The following CCDC163 variants were observed in gnomAD, a reference collection of about 807,000 sequenced individuals.
CCDC163 encodes the protein CCDC163 homolog, also known as transmembrane protein CCDC163.
CCDC163 carries 13 observed loss-of-function variants against 8.2 expected under a neutral mutation model. That is an observed-to-expected ratio of 1.59 (90% confidence interval 1.04 to 2.54). The LOEUF is 2.54. Ranked by LOEUF, CCDC163 falls within the 30% of genes most tolerant of loss-of-function variation. CCDC163 has a pLI of 0.00. For missense variants in CCDC163, 117 were observed against 78.6 expected, an observed-to-expected ratio of 1.49 and a Z score of -1.85; for synonymous variants, 41 against 30.9, an observed-to-expected ratio of 1.33 and a Z score of -1.08.
rs1173028495 is a variant in CCDC163, at chr1:45,494,713, TTGGGAGGGCGAGGCGGGC to T, written c.*328_*345del. On this transcript the variant is annotated 3_prime_UTR_variant, in exon 5 of 5. Transcript: ENST00000629482. ...GGCTCACAACTGTAATCCCAGCACT[TTGGGAGGGCGAGGCGGGC>T]AGATCACTTGAGGTCAGAAGTTCAA... 5.8e-5 allele frequency: 17 copies of T among 290,776 alleles called. No homozygotes were observed. Among genetic ancestry groups the T allele is most frequent in the Non-Finnish European group, 8.1e-5 (12 of 147,770 alleles). 18.0% of individuals were successfully genotyped at this position (290,776 alleles called of 1,614,324 possible).
intron 2 of CCDC163, among the ~76,000 whole-genome samples, chr1:45,498,251 C>T (rs1057282408): frequency 4.6e-5 from 7 of 151,926 alleles, no homozygotes; most frequent in South Asian, 2.1e-4. Flanking sequence ...TGCCGAAGGC[C>T]GCAGGGTCCT....
rs889134593 is a variant in CCDC163, at chr1:45,495,239, G to A, written c.331-73C>T. 29 of 774,388 alleles carry A rather than the reference G, an allele frequency of 3.7e-5. No homozygotes were observed. The Admixed American group carries it at 4.9e-4, about 13-fold the overall frequency. The allele number at this position is 774,388 out of a possible 1,614,324, so 48.0% of individuals were successfully genotyped here. A position where few individuals can be genotyped will look rare whatever the true frequency, so the allele number is the denominator to read the frequency against. On this transcript the variant is annotated intron_variant, in intron 4 of 4. Coordinates refer to ENST00000629482, the MANE Select transcript of CCDC163 (RefSeq NM_001102601.3). Reference sequence around the variant, plus strand: ...GTGATATGCATAGAACTAGGCCCTAGGCCTTTCTAATAGAGAGGGACATAG... The same window carrying A: ...GTGATATGCATAGAACTAGGCCCTAAGCCTTTCTAATAGAGAGGGACATAG...
In CCDC163 at chr1:45,493,882, T is replaced by G. The variant is rs2149312860; in HGVS notation, c.*1177A>C. On this transcript the variant is annotated 3_prime_UTR_variant, in exon 5 of 5. Coordinates refer to ENST00000629482, the MANE Select transcript of CCDC163 (RefSeq NM_001102601.3). ...TCAGGATCATTAGTCACAAGGCATT[T>G]TTTAATGAAATATAATAGAAAATAT... The G allele has an allele frequency of 6.6e-6, 1 of 152,338 alleles. No individual in the cohort carries two copies. Among genetic ancestry groups the G allele is most frequent in the East Asian group, 1.9e-4 (1 of 5,190 alleles). The allele number at this position is 152,338 out of a possible 1,614,324, so 9.4% of individuals were successfully genotyped here.
chr1:45,498,923 A>G lies in CCDC163; in HGVS notation c.177+422T>C, dbSNP rs759228740. ...AAAAGCACATGAACTACTGTATAAC[A>G]GCTTTTCCCGACCCCTAGTATCCTC... is the stretch of plus-strand genomic sequence containing the variant. On this transcript the variant is annotated intron_variant, in intron 2 of 4. Coordinates refer to ENST00000629482, the MANE Select transcript of CCDC163 (RefSeq NM_001102601.3). Among the ~76,000 whole-genome samples the G allele has an allele frequency of 2.9e-4, 44 of 152,350 alleles. 1 individual carries two copies. In the Middle Eastern group the frequency reaches 0.034, roughly 118 times the overall value.
intron 2 of CCDC163, among the ~76,000 whole-genome samples, chr1:45,497,722 C>T (rs1570805458): frequency 2.7e-5 from 1 of 36,674 alleles, no homozygotes. Context: ...GGGTCAGCCC[C>T]CCGCCAGGCC....
intron 2 of CCDC163, 134 bp downstream of exon 2, chr1:45,499,211 T>C (rs1311136461): frequency 2.9e-6 from 2 of 683,460 alleles, no homozygotes; most frequent in East Asian, 5.4e-5. Flanking sequence ...AAGGGTTAAG[T>C]GCAGGGTCTG....
At chr1:45,498,668 CCTCT>C (rs904804022) in intron 2 of CCDC163, 4 of 153,554 alleles carry the variant, frequency 2.6e-5, no homozygotes, top group African/African-American at 7.2e-5. Context: ...TAGGGATCAT[CCTCT>C]CTAAGAGTTT....
At chr1:45,499,511 G>T (rs1212935964) in intron 1 of CCDC163, 21 bp downstream of exon 1, 1 of 778,106 alleles carries the variant, frequency 1.3e-6, no homozygotes, top group African/African-American at 1.7e-5. Flanking sequence ...CGCAAACTGG[G>T]GACCTCCACC....
At chr1:45,497,651 C>G (rs1214249357) in intron 2 of CCDC163, among the ~76,000 whole-genome samples, 8 of 98,414 alleles carry the variant, frequency 8.1e-5, no homozygotes, top group Admixed American at 1.3e-4. Context: ...GCCGCCACCC[C>G]GTCTGGGAAG....
rs1653951541 is a variant in CCDC163, at chr1:45,494,895, G to C, written c.*164C>G. ...GGAGGCGGAGGTTGCAGTGAGCTGA[G>C]ATGGGGGGCAAGGATGGGCAGGCAG... On this transcript the variant is annotated 3_prime_UTR_variant, in exon 5 of 5. Coordinates refer to ENST00000629482, the MANE Select transcript of CCDC163 (RefSeq NM_001102601.3). 8 of 612,688 alleles carry C rather than the reference G, an allele frequency of 1.3e-5. No homozygotes were observed. The highest frequency in any genetic ancestry group is 2.3e-5 in the Non-Finnish European group (8 of 341,808). 38.0% of individuals were successfully genotyped at this position (612,688 alleles called of 1,614,324 possible). A position where few individuals can be genotyped will look rare whatever the true frequency, so the allele number is the denominator to read the frequency against.
intron 4 of CCDC163, 169 bp from the exon 5 acceptor site, chr1:45,495,335 T>A (rs1157621568): frequency 1.4e-6 from 1 of 702,646 alleles, no homozygotes; most frequent in Non-Finnish European, 2.6e-6. Flanking sequence ...TTCTACCTAG[T>A]GTTAAATAAT....
At chr1:45,497,709 A>G (rs113041898) in intron 2 of CCDC163, among the ~76,000 whole-genome samples, 710 of 2,308 alleles carry the variant, frequency 0.31, 68 homozygotes, top group South Asian at 0.35. Flanking sequence ...AGGGAGGTGG[A>G]GGGGGTCAGC....
In CCDC163 at chr1:45,499,855, T is replaced by C; in HGVS notation, c.-246A>G. On this transcript the variant is annotated 5_prime_UTR_variant, in exon 1 of 5. Transcript: ENST00000629482. ...GGGATACCGTGATGATACGCAGATATCAGGTGGGGATTGAAGGTGCCAGAA... is the reference window on the plus strand; with the variant it reads ...GGGATACCGTGATGATACGCAGATACCAGGTGGGGATTGAAGGTGCCAGAA... The C allele has an allele frequency of 1.8e-6, 1 of 552,772 alleles. No individual in the cohort carries two copies. The highest frequency in any genetic ancestry group is 3.2e-5 in the East Asian group (1 of 31,366). The allele number at this position is 552,772 out of a possible 1,614,324, so 34.2% of individuals were successfully genotyped here.
chr1:45,494,022 T>C lies in CCDC163; in HGVS notation c.*1037A>G, dbSNP rs1351288631. On this transcript the variant is annotated 3_prime_UTR_variant, in exon 5 of 5. Coordinates refer to ENST00000629482, the MANE Select transcript of CCDC163 (RefSeq NM_001102601.3). ...TGTAAATTGTATTTCTTACTGGAAG[T>C]CACAGCCAAAAAATTCTTAAAGCCA... 4 of 152,288 alleles carry C rather than the reference T, an allele frequency of 2.6e-5. No homozygotes were observed. In the East Asian group the frequency reaches 5.8e-4, roughly 22 times the overall value. 9.4% of individuals were successfully genotyped at this position (152,288 alleles called of 1,614,324 possible). A position where few individuals can be genotyped will look rare whatever the true frequency, so the allele number is the denominator to read the frequency against.
At chr1:45,497,647 A>G (rs1370909481) in intron 2 of CCDC163, among the ~76,000 whole-genome samples, 65 of 95,532 alleles carry the variant, frequency 6.8e-4, no homozygotes, top group Admixed American at 1.1e-3. Flanking sequence ...CCCGGCCGCC[A>G]CCCCGTCTGG....
rs1570795282 is a variant in CCDC163 at position 45,495,030 on chromosome 1, A to G, written c.*29T>C. The G allele has an allele frequency of 1.3e-6, 1 of 780,724 alleles. No homozygotes were observed. Among genetic ancestry groups the G allele is most frequent in the Admixed American group, 1.7e-5 (1 of 59,024 alleles). 48.4% of individuals were successfully genotyped at this position (780,724 alleles called of 1,614,324 possible). On this transcript the variant is annotated 3_prime_UTR_variant, in exon 5 of 5. Transcript: ENST00000629482. Reference sequence around the variant, plus strand: ...GGGTGGGCAAAGAAGCCTTCATCCTACTATTCTTAACGAGTCCTTACAGGT... The same window carrying G: ...GGGTGGGCAAAGAAGCCTTCATCCTGCTATTCTTAACGAGTCCTTACAGGT...
intron 4 of CCDC163, chr1:45,496,285 G>T: frequency 1.9e-6 from 1 of 528,960 alleles, no homozygotes; most frequent in Non-Finnish European, 3.5e-6. Flanking sequence ...ATGGGCTCAG[G>T]TGGAACCAAA....
At chr1:45,497,716 C>T (rs1643370774) in intron 2 of CCDC163, among the ~76,000 whole-genome samples, 2 of 39,436 alleles carry the variant, frequency 5.1e-5, no homozygotes, top group Admixed American at 2.9e-4. Flanking sequence ...TGGAGGGGGT[C>T]AGCCCCCCGC....
At position 45,496,084 on chromosome 1, in the gene CCDC163, A is replaced by G. The variant is rs1424829722; in HGVS notation, c.330+472T>C. 15 of 283,894 alleles carry G rather than the reference A, an allele frequency of 5.3e-5. No individual in the cohort carries two copies. In the Admixed American group the frequency reaches 7.3e-4, roughly 14 times the overall value. The allele number at this position is 283,894 out of a possible 1,614,324, so 17.6% of individuals were successfully genotyped here. A position where few individuals can be genotyped will look rare whatever the true frequency, so the allele number is the denominator to read the frequency against. On this transcript the variant is annotated intron_variant, in intron 4 of 4. Transcript: ENST00000629482. Reference sequence around the variant, plus strand: ...TACCCCAAAAGCCCAAGTCAAATCTAGGATAGCTGAACTTTGGTCCCCAGT... The same window carrying G: ...TACCCCAAAAGCCCAAGTCAAATCTGGGATAGCTGAACTTTGGTCCCCAGT...
Sources: allele counts gnomAD v4.1 joint callset (sites outside exome capture counted in the v4.1 genomes callset), GRCh38; gene constraint gnomAD v4.1.1; transcripts MANE v1.5; gene names NCBI Gene and HGNC (gene_info 2026-07-23, HGNC 2026-07-21).